DLGAP1: variants seen among roughly 807,000 people sequenced by gnomAD.
DLGAP1 encodes DLG associated protein 1, also known as disks large-associated protein 1.
In DLGAP1, 11 loss-of-function variants were observed where a neutral mutation model predicts 90.8. The observed-to-expected ratio is 0.12, with a 90% confidence interval of 0.08 to 0.20. DLGAP1 has a LOEUF of 0.20. Among genes scored for constraint, DLGAP1 ranks in the 10% least tolerant of loss-of-function variants. The pLI is 1.00. For synonymous variants in DLGAP1, 558 were observed against 540.7 expected, an observed-to-expected ratio of 1.03 and a Z score of -0.44; for missense variants, 1,050 against 1,333.8, an observed-to-expected ratio of 0.79 and a Z score of 3.31.
intron 3 of DLGAP1, among the ~76,000 whole-genome samples, chr18:3,914,323 G>A (rs1355366272): frequency 6.6e-6 from 1 of 152,082 alleles, no homozygotes; most frequent in Non-Finnish European, 1.5e-5. Context: ...TTCTGTGCTG[G>A]GCTTTCTTTA....
intron 7 of DLGAP1, among the ~76,000 whole-genome samples, chr18:3,725,893 T>C (rs1284795903): frequency 6.6e-6 from 1 of 152,202 alleles, no homozygotes; most frequent in Non-Finnish European, 1.5e-5. Flanking sequence ...TAATTCTCTC[T>C]TGTGGCATCA....
intron 3 of DLGAP1, among the ~76,000 whole-genome samples, chr18:3,905,421 G>T (rs1272318381): frequency 1.0e-5 from 1 of 100,070 alleles, no homozygotes; most frequent in African/African-American, 3.6e-5. Context: ...ATAAAGGGAA[G>T]AACCAAAAAA....
intron 8 of DLGAP1, among the ~76,000 whole-genome samples, chr18:3,573,829 G>A (rs2054949622): frequency 6.6e-6 from 1 of 152,108 alleles, no homozygotes; most frequent in South Asian, 2.1e-4. Flanking sequence ...AGCCTCCCAA[G>A]TAGCTGGCAC....
chr18:4,304,774 T>C (rs909595589), intron 1 of DLGAP1, among the ~76,000 whole-genome samples: 42 of 152,166 alleles, frequency 2.8e-4, no homozygotes, highest in African/African-American at 8.7e-4. Flanking sequence ...GTACTAAAAA[T>C]ACAAAATTTA....
At chr18:3,914,693 G>T (rs1022189304) in intron 3 of DLGAP1, among the ~76,000 whole-genome samples, 1 of 152,010 alleles carries the variant, frequency 6.6e-6, no homozygotes, top group African/African-American at 2.4e-5. Flanking sequence ...AGTGTACAAG[G>T]GTTCCCTTTT....
intron 1 of DLGAP1, among the ~76,000 whole-genome samples, chr18:4,408,569 G>A (rs1195548165): frequency 1.3e-5 from 2 of 151,942 alleles, no homozygotes; most frequent in Non-Finnish European, 2.9e-5. Flanking sequence ...CATACGAGAC[G>A]TATTGGCATT....
At chr18:4,324,328 T>A (rs1476209454) in intron 1 of DLGAP1, among the ~76,000 whole-genome samples, 1 of 149,898 alleles carries the variant, frequency 6.7e-6, no homozygotes, top group African/African-American at 2.5e-5. Context: ...AAAAATTGAA[T>A]CCTTGAATAG....
chr18:4,388,088 G>A (rs544850678), intron 1 of DLGAP1, among the ~76,000 whole-genome samples: 8 of 152,104 alleles, frequency 5.3e-5, no homozygotes, highest in South Asian at 2.1e-4. Context: ...TGTGGAGGAC[G>A]GAGTGGAAGC....
At chr18:4,382,350 C>A (rs2082142821) in intron 1 of DLGAP1, among the ~76,000 whole-genome samples, 1 of 151,962 alleles carries the variant, frequency 6.6e-6, no homozygotes, top group Non-Finnish European at 1.5e-5. Context: ...TAAAGTTTAG[C>A]CATTATTAGA....
chr18:4,067,595 T>C (rs2075388632), intron 2 of DLGAP1, among the ~76,000 whole-genome samples: 1 of 152,062 alleles, frequency 6.6e-6, no homozygotes, highest in Admixed American at 6.6e-5. Flanking sequence ...GGCATTTTTT[T>C]TTTTTAAGTC....
chr18:3,880,527 AC>A (rs1014673737), intron 3 of DLGAP1, among the ~76,000 whole-genome samples: 5 of 152,104 alleles, frequency 3.3e-5, no homozygotes, highest in African/African-American at 1.2e-4. Context: ...TTTTGGCAGA[AC>A]TTAATCAGTG....
chr18:4,136,957 A>T (rs1454280840), intron 2 of DLGAP1, among the ~76,000 whole-genome samples: 15 of 152,026 alleles, frequency 9.9e-5, no homozygotes, highest in Non-Finnish European at 1.9e-4. Flanking sequence ...CGTGCAGGTT[A>T]GTTACATATG....
intron 4 of DLGAP1, among the ~76,000 whole-genome samples, chr18:3,836,998 GA>G (rs1186828875): frequency 1.3e-5 from 2 of 152,084 alleles, no homozygotes; most frequent in South Asian, 2.1e-4. Flanking sequence ...CAGAACGAGG[GA>G]AAAAAATAAA....
chr18:4,367,871 A>AT (rs1305957896), intron 1 of DLGAP1, among the ~76,000 whole-genome samples: 1 of 152,036 alleles, frequency 6.6e-6, no homozygotes, highest in African/African-American at 2.4e-5. Flanking sequence ...GAAACTTAAA[A>AT]TTTTTTAAAG....
At chr18:4,373,335 A>T (rs941564551) in intron 1 of DLGAP1, among the ~76,000 whole-genome samples, 2 of 152,208 alleles carry the variant, frequency 1.3e-5, no homozygotes, top group African/African-American at 4.8e-5. Context: ...TTAAAGAAGC[A>T]GAATCCATAG....
intron 9 of DLGAP1, among the ~76,000 whole-genome samples, chr18:3,555,729 G>A (rs1281909099): frequency 6.6e-6 from 1 of 152,088 alleles, no homozygotes; most frequent in Non-Finnish European, 1.5e-5. Flanking sequence ...AGAATCGCTT[G>A]AACCCAGGAG....
At chr18:4,412,534 A>G (rs1329286230) in intron 1 of DLGAP1, among the ~76,000 whole-genome samples, 1 of 152,188 alleles carries the variant, frequency 6.6e-6, no homozygotes, top group Non-Finnish European at 1.5e-5. Context: ...CCTGCCCAAC[A>G]TGCATGGCTA....
rs147847658 is a variant in DLGAP1 at position 4,280,103 on chromosome 18, T to C, written c.-266-128816A>G. Among the ~76,000 whole-genome samples the C allele has an allele frequency of 9.5e-4, 145 of 152,332 alleles. 1 individual carries two copies. The highest frequency in any genetic ancestry group is 3.3e-3 in the African/African-American group (139 of 41,580). On this transcript the variant is annotated intron_variant, in intron 1 of 12. Transcript: ENST00000315677. The stretch of plus-strand genomic sequence containing the variant: ...ATATGACATACTGGCTGTTGGTTGC[T>C]ATTTAGCTTCAACATGAACTTCACA...
At position 3,911,999 on chromosome 18, in the gene DLGAP1, G is replaced by A. The variant is rs78598135; in HGVS notation, c.-72-31859C>T. ...CAAATTCTCAGATTCAAGTCCTGTC[G>A]AATCAAAAATTGTGTTTTAGTAAGC... On this transcript the variant is annotated intron_variant, in intron 3 of 12. Coordinates refer to ENST00000315677, the MANE Select transcript of DLGAP1 (RefSeq NM_004746.4). Among the ~76,000 whole-genome samples the A allele has an allele frequency of 3.1e-3, 468 of 152,290 alleles. 2 individuals are homozygous for A. The highest frequency in any genetic ancestry group is 5.0e-3 in the South Asian group (24 of 4,834).
Sources: allele counts gnomAD v4.1 joint callset (sites outside exome capture counted in the v4.1 genomes callset), GRCh38; gene constraint gnomAD v4.1.1; transcripts MANE v1.5; gene names NCBI Gene and HGNC (gene_info 2026-07-23, HGNC 2026-07-21).